MTA3: variants seen among roughly 807,000 people sequenced by gnomAD.
The protein encoded by MTA3 is metastasis associated 1 family member 3, also known as metastasis-associated protein MTA3.
Under a neutral mutation model 83.5 loss-of-function variants are expected in MTA3, and 34 were observed. That is an observed-to-expected ratio of 0.41 (90% CI 0.31 to 0.54). MTA3 has a LOEUF of 0.54. Among genes scored for constraint, MTA3 ranks in the 20% least tolerant of loss-of-function variants. The pLI, the probability that MTA3 is intolerant of heterozygous loss-of-function variation, is 0.33. For missense variants in MTA3, 761 were observed against 726.4 expected, an observed-to-expected ratio of 1.05 and a Z score of -0.55; for synonymous variants, 303 against 252.7, an observed-to-expected ratio of 1.20 and a Z score of -1.89.
chr2:42,680,165 A>C (rs1345489089), intron 8 of MTA3: 1 of 152,972 alleles, frequency 6.5e-6, no homozygotes, highest in African/African-American at 2.4e-5. Flanking sequence ...GCAACTCCTA[A>C]GTGATGCTTT....
At chr2:42,526,061 A>C (rs1197705019) in intron 2 of MTA3, among the ~76,000 whole-genome samples, 3 of 152,100 alleles carry the variant, frequency 2.0e-5, no homozygotes, top group Admixed American at 2.0e-4. Context: ...ATGCCACCTG[A>C]AGAAACCCAC....
At chr2:42,494,300 C>T (rs1488099046), upstream of MTA3, among the ~76,000 whole-genome samples, 2 of 152,118 alleles carry the variant, frequency 1.3e-5, no homozygotes, top group South Asian at 2.1e-4. Flanking sequence ...TGCCCTGGGC[C>T]ATCGGGATGA....
chr2:42,706,607 A>G (rs980287819), intron 12 of MTA3, among the ~76,000 whole-genome samples: 3 of 152,206 alleles, frequency 2.0e-5, no homozygotes, highest in Non-Finnish European at 4.4e-5. Context: ...TTTAAGGCAA[A>G]CTTACAGAAT....
At chr2:42,688,999 A>G (rs545610625) in intron 9 of MTA3, among the ~76,000 whole-genome samples, 1 of 152,274 alleles carries the variant, frequency 6.6e-6, no homozygotes, top group Non-Finnish European at 1.5e-5. Context: ...ATGACGAGCA[A>G]GTTCCTCTCT....
At chr2:42,677,149 C>T (rs1435108522) in intron 8 of MTA3, among the ~76,000 whole-genome samples, 1 of 151,800 alleles carries the variant, frequency 6.6e-6, no homozygotes, top group East Asian at 1.9e-4. Context: ...AAGAATATAC[C>T]ATTATAAAAG....
At chr2:42,732,172 T>A (rs1668276709) in intron 16 of MTA3, among the ~76,000 whole-genome samples, 2 of 152,166 alleles carry the variant, frequency 1.3e-5, no homozygotes, top group Non-Finnish European at 1.5e-5. Flanking sequence ...TGGCCCCACA[T>A]TTCACTTCCA....
chr2:42,681,193 A>G (rs147508203), intron 8 of MTA3, among the ~76,000 whole-genome samples: 114 of 152,318 alleles, frequency 7.5e-4, no homozygotes, highest in Admixed American at 1.5e-3. Flanking sequence ...TATATAAGAA[A>G]ACCACAGTGG....
At chr2:42,536,858 C>CAAAAAAAA (rs71410118) in intron 2 of MTA3, among the ~76,000 whole-genome samples, 1 of 84,292 alleles carries the variant, frequency 1.2e-5, no homozygotes. Context: ...GACCCCATCT[C>CAAAAAAAA]AAAAAAAAAA....
At chr2:42,526,386 A>G (rs765858583) in intron 2 of MTA3, among the ~76,000 whole-genome samples, 2 of 152,120 alleles carry the variant, frequency 1.3e-5, no homozygotes, top group South Asian at 4.1e-4. Flanking sequence ...TGAGGCCAAG[A>G]TTCCTGGCTC....
chr2:42,570,475 C>G lies in MTA3; in HGVS notation c.67C>G (p.Leu23Val), dbSNP rs1190531972. The stretch of plus-strand genomic sequence containing the variant: ...TGAGAATTCCTCCAGCAACCCATAC[C>G]TAATAAGAAGGATAGAAGAACTCAA... ...YFENSSSNPY[L>V]IRRIEELNKT... The change falls in exon 2 of 17, where the codon CTA (leucine) becomes GTA (valine). Residue 23 changes from leucine (L) to valine (V), a missense_variant. Leu to Val is a conservative substitution (Grantham distance 32, BLOSUM62 1). Coordinates refer to ENST00000405094, the MANE Select transcript of MTA3 (RefSeq NM_001330442.2). 13 of 1,544,068 alleles carry G rather than the reference C, an allele frequency of 8.4e-6. No individual in the cohort carries two copies. Among genetic ancestry groups the G allele is most frequent in the Non-Finnish European group, 1.1e-5 (13 of 1,136,268 alleles).
At chr2:42,503,916 A>G (rs1446832983) in intron 2 of MTA3, among the ~76,000 whole-genome samples, 1 of 102,290 alleles carries the variant, frequency 9.8e-6, no homozygotes, top group East Asian at 2.4e-4. Context: ...CCCATGAACC[A>G]CATTCTTTTT....
intron 2 of MTA3, among the ~76,000 whole-genome samples, chr2:42,502,628 G>A (rs545943503): frequency 3.9e-5 from 6 of 151,992 alleles, no homozygotes; most frequent in South Asian, 2.1e-4. Context: ...GTGAAACCTC[G>A]TCTCTACTAA....
chr2:42,718,717 C>T (rs1667202668), intron 14 of MTA3, among the ~76,000 whole-genome samples: 1 of 152,008 alleles, frequency 6.6e-6, no homozygotes, highest in Non-Finnish European at 1.5e-5. Flanking sequence ...GAGCTGAGAG[C>T]ACGCTATTGT....
chr2:42,525,356 T>C (rs1675641102), intron 2 of MTA3, among the ~76,000 whole-genome samples: 1 of 152,036 alleles, frequency 6.6e-6, no homozygotes, highest in South Asian at 2.1e-4. Flanking sequence ...CTTACCACCA[T>C]GCCTGGCTGA....
intron 6 of MTA3, among the ~76,000 whole-genome samples, chr2:42,648,298 G>C (rs995436988): frequency 6.6e-6 from 1 of 152,164 alleles, no homozygotes; most frequent in Non-Finnish European, 1.5e-5. Context: ...TAAATAGTAG[G>C]ACATATCATA....
At chr2:42,611,322 T>TACACACACACACACAC (rs141803741) in intron 4 of MTA3, among the ~76,000 whole-genome samples, 6 of 16,084 alleles carry the variant, frequency 3.7e-4, no homozygotes, top group African/African-American at 1.3e-3. Context: ...ACTTAACACA[T>TACACACACACACACAC]ACACACACAC....
rs148292658 is a variant in MTA3 at position 42,629,593 on chromosome 2, A to G, written c.318-10580A>G. Among the ~76,000 whole-genome samples, 682 of 152,234 alleles carry G rather than the reference A, an allele frequency of 4.5e-3. 2 individuals are homozygous for G. The highest frequency in any genetic ancestry group is 0.016 in the African/African-American group (651 of 41,548). On this transcript the variant is annotated intron_variant, in intron 4 of 16. Transcript: ENST00000405094. The stretch of plus-strand genomic sequence containing the variant: ...GGAGGTGGGAGGAAACCTCTAATCT[A>G]TCTCCTCAGGGAATTTGCAGTTGGG...
intron 16 of MTA3, among the ~76,000 whole-genome samples, chr2:42,753,028 A>T (rs1349842015): frequency 6.6e-6 from 1 of 151,662 alleles, no homozygotes; most frequent in African/African-American, 2.4e-5. Flanking sequence ...GAGCTCAAGC[A>T]GTCCTCCCCC....
chr2:42,653,999 A>G (rs1396493378), intron 6 of MTA3, among the ~76,000 whole-genome samples: 1 of 152,192 alleles, frequency 6.6e-6, no homozygotes, highest in African/African-American at 2.4e-5. Flanking sequence ...CAACTGTTTG[A>G]TTTTTAACTG....
Sources: gnomAD v4.1 joint callset for allele counts (sites outside exome capture counted in the v4.1 genomes callset) on GRCh38, gnomAD v4.1.1 for gene constraint, MANE v1.5 for transcripts, NCBI Gene and HGNC (gene_info 2026-07-23, HGNC 2026-07-21) for gene names.